The following PLCH1 variants were observed in gnomAD, a reference collection of about 807,000 sequenced individuals.
PLCH1 encodes 1-phosphatidylinositol 4,5-bisphosphate phosphodiesterase eta-1.
Under a neutral mutation model 126.7 loss-of-function variants are expected in PLCH1, and 60 were observed. The ratio of observed to expected loss-of-function variants is 0.47; its 90% CI spans 0.38 to 0.59. PLCH1 has a LOEUF of 0.59. Ranked by LOEUF, PLCH1 falls within the 20% of genes least tolerant of loss-of-function variation. The pLI, the probability that PLCH1 is intolerant of heterozygous loss-of-function variation, is 0.00. For synonymous variants in PLCH1, 719 were observed against 734.9 expected (o/e 0.98, Z 0.35); for missense variants, 1,723 against 2,040.0 (o/e 0.84, Z 2.99).
chr3:155,637,861 G>C (rs1356129428), intron 2 of PLCH1, among the ~76,000 whole-genome samples: 22 of 152,252 alleles, frequency 1.4e-4, no homozygotes, highest in Non-Finnish European at 1.0e-4. Flanking sequence ...TATTCAAAGT[G>C]GGCTCTTGAA....
chr3:155,464,801 G>A (rs1400540806), intron 21 of PLCH1, among the ~76,000 whole-genome samples: 5 of 152,104 alleles, frequency 3.3e-5, no homozygotes, highest in Non-Finnish European at 5.9e-5. Context: ...TGTCCTATTA[G>A]TAGAATAATA....
intron 1 of PLCH1, among the ~76,000 whole-genome samples, chr3:155,710,642 G>A (rs771813888): frequency 5.3e-5 from 8 of 152,014 alleles, no homozygotes; most frequent in African/African-American, 9.7e-5. Context: ...AGACCAGCCT[G>A]GTCAACATGG....
intron 4 of PLCH1, among the ~76,000 whole-genome samples, chr3:155,588,973 A>G (rs1364830480): frequency 6.6e-6 from 1 of 152,214 alleles, no homozygotes; most frequent in African/African-American, 2.4e-5. Flanking sequence ...ATGTCCTGAT[A>G]TCTTAAAGAT....
intron 10 of PLCH1, among the ~76,000 whole-genome samples, chr3:155,528,604 A>G (rs1722274988): frequency 6.6e-6 from 1 of 152,272 alleles, no homozygotes; most frequent in Non-Finnish European, 1.5e-5. Flanking sequence ...AGCATAAAAT[A>G]GAATAAAAAC....
chr3:155,486,042 T>C, intron 21 of PLCH1: 2 of 741,642 alleles, frequency 2.7e-6, no homozygotes, highest in Non-Finnish European at 2.2e-6. Flanking sequence ...GATGCATGTT[T>C]CAAAGTGGTA....
chr3:155,652,384 G>T (rs1740811012), intron 2 of PLCH1, among the ~76,000 whole-genome samples: 1 of 152,188 alleles, frequency 6.6e-6, no homozygotes, highest in African/African-American at 2.4e-5. Flanking sequence ...GAGTTCTCTA[G>T]AGTCAGTAGG....
chr3:155,709,212 T>C (rs911404919), intron 1 of PLCH1, among the ~76,000 whole-genome samples: 72 of 152,212 alleles, frequency 4.7e-4, no homozygotes, highest in African/African-American at 1.6e-3. Context: ...TTCCAAATTT[T>C]GAAATTTATA....
At chr3:155,706,077 G>T (rs953349257) in intron 1 of PLCH1, among the ~76,000 whole-genome samples, 1 of 149,214 alleles carries the variant, frequency 6.7e-6, no homozygotes, top group African/African-American at 2.5e-5. Context: ...GGGAGGCTAA[G>T]GCAGGAGAAT....
intron 11 of PLCH1, among the ~76,000 whole-genome samples, chr3:155,523,492 C>T (rs1293933416): frequency 1.4e-5 from 2 of 147,106 alleles, no homozygotes; most frequent in African/African-American, 2.5e-5. Flanking sequence ...GGTCCACGTG[C>T]AGGTGGGGTT....
chr3:155,490,745 C>T, intron 19 of PLCH1, 39 bp downstream of exon 19: 1 of 1,102,684 alleles, frequency 9.1e-7, no homozygotes. Context: ...TATTTCTAGA[C>T]CATCTTCATT....
At chr3:155,451,830 C>T (rs1398483929) in intron 21 of PLCH1, among the ~76,000 whole-genome samples, 1 of 152,174 alleles carries the variant, frequency 6.6e-6, no homozygotes, top group East Asian at 1.9e-4. Flanking sequence ...CATTGGCTTT[C>T]CTGGTTCTCA....
At chr3:155,558,038 CT>C (rs879869592) in intron 8 of PLCH1, among the ~76,000 whole-genome samples, 1 of 152,202 alleles carries the variant, frequency 6.6e-6, no homozygotes, top group Non-Finnish European at 1.5e-5. Flanking sequence ...ACAAGCCCAC[CT>C]CACCAAAAAG....
At chr3:155,577,158 G>A (rs1191192436) in intron 6 of PLCH1, among the ~76,000 whole-genome samples, 2 of 152,148 alleles carry the variant, frequency 1.3e-5, no homozygotes, top group Non-Finnish European at 2.9e-5. Context: ...TACTCAGGAG[G>A]CTGAGGCAGG....
intron 2 of PLCH1, among the ~76,000 whole-genome samples, chr3:155,648,231 AT>A (rs1240646211): frequency 6.6e-6 from 1 of 152,180 alleles, no homozygotes; most frequent in African/African-American, 2.4e-5. Flanking sequence ...AGTATTGGAG[AT>A]TTCCTGATGT....
intron 10 of PLCH1, among the ~76,000 whole-genome samples, chr3:155,533,264 C>T (rs1244608785): frequency 6.6e-6 from 1 of 151,362 alleles, no homozygotes; most frequent in Non-Finnish European, 1.5e-5. Context: ...AAGAAAAATC[C>T]AGCTGGGCAT....
chr3:155,512,009 G>T (rs1200095653), intron 12 of PLCH1, among the ~76,000 whole-genome samples: 2 of 151,382 alleles, frequency 1.3e-5, no homozygotes, highest in Non-Finnish European at 2.9e-5. Context: ...GCGAGATTCC[G>T]TGGGCGTAGG....
intron 2 of PLCH1, among the ~76,000 whole-genome samples, chr3:155,671,001 G>A (rs2108982818): frequency 6.6e-6 from 1 of 152,336 alleles, no homozygotes; most frequent in Non-Finnish European, 1.5e-5. Flanking sequence ...AAATGGAGAT[G>A]TCTTCATAGA....
At chr3:155,628,639 G>A (rs942668558) in intron 2 of PLCH1, among the ~76,000 whole-genome samples, 5 of 149,958 alleles carry the variant, frequency 3.3e-5, no homozygotes, top group African/African-American at 4.9e-5. Context: ...AAATTTGTAT[G>A]CTTTTCTCTT....
intron 15 of PLCH1, among the ~76,000 whole-genome samples, chr3:155,496,255 C>A (rs2108107831): frequency 6.6e-6 from 1 of 152,230 alleles, no homozygotes; most frequent in Admixed American, 6.5e-5. Flanking sequence ...TTATGTTTTC[C>A]AAGCCATTTA....
Sources: gnomAD v4.1 joint callset for allele counts (sites outside exome capture counted in the v4.1 genomes callset) on GRCh38, gnomAD v4.1.1 for gene constraint, MANE v1.5 for transcripts, NCBI Gene and HGNC (gene_info 2026-07-23, HGNC 2026-07-21) for gene names.